GRM7: variants seen among roughly 807,000 people sequenced by gnomAD.
GRM7 encodes glutamate metabotropic receptor 7.
A neutral mutation model predicts 84.5 loss-of-function variants in GRM7; 35 were observed. The observed-to-expected ratio is 0.41, with a 90% CI of 0.32 to 0.55. The LOEUF (loss-of-function observed/expected upper bound fraction) is 0.55. Among genes scored for constraint, GRM7 ranks in the 20% least tolerant of loss-of-function variants. GRM7 has a pLI of 0.19. For missense variants in GRM7, 1,003 were observed against 1,194.6 expected, an observed-to-expected ratio of 0.84 and a Z score of 2.36; for synonymous variants, 487 against 455.1, an observed-to-expected ratio of 1.07 and a Z score of -0.89.
chr3:7,603,068 G>C (rs894160092), intron 8 of GRM7, among the ~76,000 whole-genome samples: 2 of 152,084 alleles, frequency 1.3e-5, no homozygotes, highest in East Asian at 1.9e-4. Context: ...ATGTAATGTA[G>C]ACGGTACTTA....
At chr3:7,475,242 A>G (rs185455429) in intron 7 of GRM7, among the ~76,000 whole-genome samples, 1 of 152,314 alleles carries the variant, frequency 6.6e-6, no homozygotes, top group East Asian at 1.9e-4. Flanking sequence ...AGCCTTCACA[A>G]TGACTGAATA....
At chr3:7,305,684 A>G (rs1316396517) in intron 3 of GRM7, among the ~76,000 whole-genome samples, 1 of 151,992 alleles carries the variant, frequency 6.6e-6, no homozygotes, top group Non-Finnish European at 1.5e-5. Context: ...AAAAAAAAGT[A>G]GAACTGGCCT....
At chr3:7,403,622 GATATAT>G (rs59465377) in intron 4 of GRM7, among the ~76,000 whole-genome samples, 1,650 of 126,938 alleles carry the variant, frequency 0.013, 21 homozygotes, top group Admixed American at 0.027. Flanking sequence ...GAGTAATTCT[GATATAT>G]ATATATATAT....
chr3:7,485,295 C>T (rs1699279216), intron 7 of GRM7, among the ~76,000 whole-genome samples: 1 of 152,176 alleles, frequency 6.6e-6, no homozygotes, highest in Non-Finnish European at 1.5e-5. Flanking sequence ...TTTAAGTTAA[C>T]TGTCTTTAAT....
chr3:7,706,278 C>T (rs913866302), intron 9 of GRM7, among the ~76,000 whole-genome samples: 1 of 152,162 alleles, frequency 6.6e-6, no homozygotes, highest in Non-Finnish European at 1.5e-5. Context: ...TTCTCCAATA[C>T]ACAAGGCCAA....
chr3:7,609,407 A>G (rs750287582), intron 8 of GRM7, among the ~76,000 whole-genome samples: 10 of 151,726 alleles, frequency 6.6e-5, no homozygotes, highest in Non-Finnish European at 1.3e-4. Flanking sequence ...AGAGAGGGAC[A>G]AATGTTGCTG....
intron 1 of GRM7, among the ~76,000 whole-genome samples, chr3:6,981,855 A>G (rs188897928): frequency 2.0e-5 from 3 of 152,326 alleles, no homozygotes; most frequent in Admixed American, 2.0e-4. Context: ...ACTGGTGGGA[A>G]TGTAAATTAG....
At chr3:7,390,019 T>C (rs370548130) in intron 4 of GRM7, among the ~76,000 whole-genome samples, 1 of 152,156 alleles carries the variant, frequency 6.6e-6, no homozygotes, top group African/African-American at 2.4e-5. Context: ...GTTTATAAGT[T>C]TCTTAAGCAT....
rs914660747 is a variant in GRM7 at position 6,878,974 on chromosome 3, T to G, written c.519+17067T>G. Among the ~76,000 whole-genome samples, 7 of 152,300 alleles carry G rather than the reference T, an allele frequency of 4.6e-5. 1 individual carries two copies. Among genetic ancestry groups the G allele is most frequent in the East Asian group, 3.9e-4 (2 of 5,188 alleles). ...CATTGCTTACAGAAAATACCTTCAG[T>G]ATAGGATGTGTGTTTCATGAAAGAT... On this transcript the variant is annotated intron_variant, in intron 1 of 9. Transcript: ENST00000357716.
intron 1 of GRM7, among the ~76,000 whole-genome samples, chr3:7,092,913 T>C (rs765968060): frequency 2.0e-5 from 3 of 152,118 alleles, no homozygotes; most frequent in East Asian, 3.9e-4. Flanking sequence ...TGACACCCCA[T>C]TTCTACATGT....
chr3:7,628,655 C>T (rs1369601570), intron 8 of GRM7, among the ~76,000 whole-genome samples: 1 of 152,004 alleles, frequency 6.6e-6, no homozygotes, highest in Non-Finnish European at 1.5e-5. Flanking sequence ...GTTTGGGAGT[C>T]CAAAAAGCCT....
At position 7,001,555 on chromosome 3, in the gene GRM7, A is replaced by G. The variant is rs116015398; in HGVS notation, c.519+139648A>G. ...CAAATAAGCTTTTCCACATATGAAG[A>G]ACAGCTTGTTTCAGGTTTTAAAATA... On this transcript the variant is annotated intron_variant, in intron 1 of 9. Coordinates refer to ENST00000357716, the MANE Select transcript of GRM7 (RefSeq NM_000844.4). Among the ~76,000 whole-genome samples, 277 of 152,326 alleles carry G rather than the reference A, an allele frequency of 1.8e-3. 1 individual carries two copies. The highest frequency in any genetic ancestry group is 6.5e-3 in the African/African-American group (270 of 41,568).
At position 7,587,167 on chromosome 3, in the gene GRM7, C is replaced by CT. The variant is rs80219054; in HGVS notation, c.2451+7815dup. The stretch of plus-strand genomic sequence containing the variant: ...ATCTCCATAAACCCATTACGAATTG[C>CT]TTTTTACAGAAACCCTTCTCTTTCT... On this transcript the variant is annotated intron_variant, in intron 8 of 9. Coordinates refer to ENST00000357716, the MANE Select transcript of GRM7 (RefSeq NM_000844.4). Among the ~76,000 whole-genome samples, 653 of 152,256 alleles carry CT rather than the reference C, an allele frequency of 4.3e-3. 22 individuals carry two copies. The East Asian group carries it at 0.045, about 10-fold the overall frequency.
chr3:6,912,352 A>C (rs952063597), intron 1 of GRM7, among the ~76,000 whole-genome samples: 1 of 152,148 alleles, frequency 6.6e-6, no homozygotes, highest in South Asian at 2.1e-4. Flanking sequence ...TCATTTGGCT[A>C]TGCAAACCTT....
chr3:6,959,145 C>T (rs879585963), intron 1 of GRM7, among the ~76,000 whole-genome samples: 1 of 152,098 alleles, frequency 6.6e-6, no homozygotes, highest in Non-Finnish European at 1.5e-5. Context: ...TACACATGAT[C>T]TCATTTCATT....
At chr3:6,920,666 C>T (rs1224779519) in intron 1 of GRM7, among the ~76,000 whole-genome samples, 1 of 152,070 alleles carries the variant, frequency 6.6e-6, no homozygotes, top group Non-Finnish European at 1.5e-5. Flanking sequence ...ATGAGTTGCC[C>T]AGTTAAATCC....
chr3:6,879,737 G>A (rs544160965), intron 1 of GRM7, among the ~76,000 whole-genome samples: 1 of 152,190 alleles, frequency 6.6e-6, no homozygotes, highest in African/African-American at 2.4e-5. Context: ...GGAACCTGAG[G>A]TTAGAATTCA....
chr3:7,477,213 AT>A (rs942274116), intron 7 of GRM7, among the ~76,000 whole-genome samples: 6 of 151,670 alleles, frequency 4.0e-5, no homozygotes, highest in Admixed American at 6.6e-5. Context: ...TTCTGGTGGA[AT>A]TTTTTTTTAA....
At chr3:7,434,659 C>G (rs1288436945) in intron 5 of GRM7, among the ~76,000 whole-genome samples, 1 of 152,082 alleles carries the variant, frequency 6.6e-6, no homozygotes, top group Non-Finnish European at 1.5e-5. Flanking sequence ...CATGATGTAT[C>G]TATTTTTTAT....
Sources: gnomAD v4.1 joint callset for allele counts (sites outside exome capture counted in the v4.1 genomes callset) on GRCh38, gnomAD v4.1.1 for gene constraint, MANE v1.5 for transcripts, NCBI Gene and HGNC (gene_info 2026-07-23, HGNC 2026-07-21) for gene names.